DAPP1: variants seen among roughly 807,000 people sequenced by gnomAD.
DAPP1 encodes the protein dual adapter for phosphotyrosine and 3-phosphotyrosine and 3-phosphoinositide.
Under a neutral mutation model 41.5 loss-of-function variants are expected in DAPP1, and 20 were observed. That is an observed-to-expected ratio of 0.48 (90% confidence interval 0.34 to 0.70). DAPP1 has a LOEUF of 0.70. Ranked by LOEUF, DAPP1 falls within the 30% of genes least tolerant of loss-of-function variation. The pLI is 0.01. For synonymous variants in DAPP1, 113 were observed against 116.2 expected, an observed-to-expected ratio of 0.97 and a Z score of 0.18; for missense variants, 233 against 333.4, an observed-to-expected ratio of 0.70 and a Z score of 2.35.
At chr4:99,863,131 T>C in intron 6 of DAPP1, 59 bp downstream of exon 6, 1 of 1,075,684 alleles carries the variant, frequency 9.3e-7, no homozygotes, top group East Asian at 2.9e-5. Flanking sequence ...TGAAAGAAAC[T>C]TAGGTCTTTA....
intron 3 of DAPP1, among the ~76,000 whole-genome samples, chr4:99,850,950 A>C (rs552069587): frequency 2.4e-4 from 36 of 152,324 alleles, no homozygotes; most frequent in African/African-American, 7.5e-4. Flanking sequence ...CAAGGCCGAT[A>C]AGTACTGAAT....
chr4:99,867,533 G>C (rs559975614), intron 8 of DAPP1, among the ~76,000 whole-genome samples: 1 of 152,320 alleles, frequency 6.6e-6, no homozygotes, highest in East Asian at 1.9e-4. Context: ...CTCCTACATT[G>C]CTAGAGGGAA....
chr4:99,850,419 A>AG (rs1328899604), intron 3 of DAPP1, among the ~76,000 whole-genome samples: 1 of 152,174 alleles, frequency 6.6e-6, no homozygotes, highest in African/African-American at 2.4e-5. Flanking sequence ...CAAAAAAAAA[A>AG]AATTAACACA....
In DAPP1 at chr4:99,863,873, GA is replaced by G; in HGVS notation, c.686+22del. ...TGTTTTTGGTAAGTTGTTTTATAAA[GA>G]AAACGTTTTTTAATGTCTTCTTGCC... On this transcript the variant is annotated intron_variant, in intron 7 of 8. Transcript: ENST00000512369. 6.6e-7 allele frequency: 1 copy of G among 1,515,546 alleles called. No homozygotes were observed. The highest frequency in any genetic ancestry group is 9.0e-7 in the Non-Finnish European group (1 of 1,112,334). The allele number at this position is 1,515,546 out of a possible 1,614,324, so 93.9% of individuals were successfully genotyped here.
At chr4:99,829,042 C>T (rs780928090) in intron 1 of DAPP1, among the ~76,000 whole-genome samples, 3 of 152,106 alleles carry the variant, frequency 2.0e-5, no homozygotes, top group Non-Finnish European at 4.4e-5. Flanking sequence ...AACTGCATAA[C>T]AGTGTGTTCC....
chr4:99,830,133 A>G (rs1055746860), intron 1 of DAPP1, among the ~76,000 whole-genome samples: 1 of 152,216 alleles, frequency 6.6e-6, no homozygotes, highest in African/African-American at 2.4e-5. Context: ...CTGTAATCCT[A>G]GCACTTTGGG....
At chr4:99,841,551 C>T (rs1723497625) in intron 3 of DAPP1, among the ~76,000 whole-genome samples, 3 of 152,158 alleles carry the variant, frequency 2.0e-5, no homozygotes, top group Non-Finnish European at 4.4e-5. Flanking sequence ...TTCCCATGAA[C>T]AAATGGCCAG....
intron 1 of DAPP1, among the ~76,000 whole-genome samples, chr4:99,831,915 A>G (rs916842188): frequency 6.6e-6 from 1 of 152,042 alleles, no homozygotes; most frequent in Non-Finnish European, 1.5e-5. Flanking sequence ...CTTTACATGT[A>G]TATATTTTAA....
At chr4:99,853,534 C>G (rs1723942042) in intron 4 of DAPP1, among the ~76,000 whole-genome samples, 186 bp downstream of exon 4, 1 of 152,176 alleles carries the variant, frequency 6.6e-6, no homozygotes, top group South Asian at 2.1e-4. Context: ...ATAAAAATTA[C>G]AATGCAGCCA....
rs116312915 is a variant in DAPP1, at chr4:99,838,857, G to A, written c.225-1432G>A. Among the ~76,000 whole-genome samples the A allele has an allele frequency of 4.3e-3, 656 of 152,252 alleles. 5 individuals carry two copies. The highest frequency in any genetic ancestry group is 0.015 in the African/African-American group (635 of 41,552). ...GTAGAGGTTGACAAATAACATAAAA[G>A]AAAGCAAGATAAGTGTTTAGGTGGT... On this transcript the variant is annotated intron_variant, in intron 2 of 8. Transcript: ENST00000512369.
chr4:99,830,287 G>A (rs561011374), intron 1 of DAPP1, among the ~76,000 whole-genome samples: 13 of 152,200 alleles, frequency 8.5e-5, no homozygotes, highest in Admixed American at 8.5e-4. Context: ...GAAGGCTGAG[G>A]CACGAGAATT....
chr4:99,863,746 T>G, intron 6 of DAPP1, 24 bp from the exon 7 acceptor site: 1 of 1,198,108 alleles, frequency 8.3e-7, no homozygotes, highest in Non-Finnish European at 1.2e-6. Flanking sequence ...AATGGTGACA[T>G]ACGTTGCTTT....
At chr4:99,862,961 T>G (rs41275723) in intron 5 of DAPP1, 49 bp from the exon 6 acceptor site, 75,859 of 1,363,936 alleles carry the variant, frequency 0.056, 2,500 homozygotes, top group Middle Eastern at 0.12. Flanking sequence ...ATTCCTGTAT[T>G]CAAAACTTTG....
At chr4:99,830,786 T>TTC (rs143727060) in intron 1 of DAPP1, among the ~76,000 whole-genome samples, 2 of 150,726 alleles carry the variant, frequency 1.3e-5, no homozygotes, top group Non-Finnish European at 3.0e-5. Context: ...CTCTTTCTCT[T>TTC]TCTCTCTCTC....
At chr4:99,855,523 G>A (rs1353362927) in intron 4 of DAPP1, among the ~76,000 whole-genome samples, 1 of 152,176 alleles carries the variant, frequency 6.6e-6, no homozygotes, top group Non-Finnish European at 1.5e-5. Flanking sequence ...TTAAAATGGA[G>A]TTTTTAAAAT....
chr4:99,855,703 G>T (rs560596370), intron 4 of DAPP1, among the ~76,000 whole-genome samples: 2 of 152,338 alleles, frequency 1.3e-5, no homozygotes, highest in South Asian at 4.1e-4. Flanking sequence ...GACCAGTATA[G>T]CTGCTGGGGA....
intron 3 of DAPP1, among the ~76,000 whole-genome samples, chr4:99,842,531 CA>C (rs1723527220): frequency 6.6e-6 from 1 of 152,210 alleles, no homozygotes; most frequent in Non-Finnish European, 1.5e-5. Flanking sequence ...AAGGGAAAGC[CA>C]TCAGGGCTAG....
At chr4:99,856,125 C>T (rs890520847) in intron 4 of DAPP1, among the ~76,000 whole-genome samples, 2 of 151,918 alleles carry the variant, frequency 1.3e-5, no homozygotes, top group African/African-American at 4.8e-5. Flanking sequence ...TTCCAATACA[C>T]TCAGAACTGT....
intron 1 of DAPP1, among the ~76,000 whole-genome samples, chr4:99,828,733 G>C (rs992182977): frequency 6.6e-6 from 1 of 152,180 alleles, no homozygotes; most frequent in Admixed American, 6.5e-5. Flanking sequence ...TTAGTGGGTG[G>C]TGTTTCCTAG....
Sources: allele counts gnomAD v4.1 joint callset (sites outside exome capture counted in the v4.1 genomes callset), GRCh38; gene constraint gnomAD v4.1.1; transcripts MANE v1.5; gene names NCBI Gene and HGNC (gene_info 2026-07-23, HGNC 2026-07-21).